AKAP6: variants seen among roughly 807,000 people sequenced by gnomAD.
AKAP6 encodes A-kinase anchoring protein 6, also known as A-kinase anchor protein 6.
In AKAP6, 58 loss-of-function variants were observed where a neutral mutation model predicts 188.5. The observed-to-expected ratio is 0.31, with a 90% CI of 0.25 to 0.38. The LOEUF is 0.38. AKAP6 is among the 10% of genes least tolerant of loss of function. AKAP6 has a pLI of 1.00. For synonymous variants in AKAP6, 989 were observed against 998.6 expected (o/e 0.99, Z 0.18); for missense variants, 2,710 against 2,740.0 (o/e 0.99, Z 0.24).
At chr14:32,501,586 A>C (rs1039648294) in intron 2 of AKAP6, among the ~76,000 whole-genome samples, 6 of 152,170 alleles carry the variant, frequency 3.9e-5, no homozygotes, top group Admixed American at 1.3e-4. Flanking sequence ...GGAGGAAAAA[A>C]AAATAGGTTT....
chr14:32,626,364 T>C (rs1887022014), intron 7 of AKAP6, among the ~76,000 whole-genome samples: 2 of 152,230 alleles, frequency 1.3e-5, no homozygotes, highest in South Asian at 4.1e-4. Context: ...TCAATTTTCC[T>C]TTTTTTAAAA....
intron 4 of AKAP6, among the ~76,000 whole-genome samples, chr14:32,574,605 A>T (rs1365832440): frequency 6.6e-6 from 1 of 152,210 alleles, no homozygotes; most frequent in Non-Finnish European, 1.5e-5. Flanking sequence ...TTACATTTCA[A>T]ATAACGTCTT....
chr14:32,789,348 GC>G (rs2033535168), intron 12 of AKAP6, among the ~76,000 whole-genome samples: 1 of 152,220 alleles, frequency 6.6e-6, no homozygotes, highest in Non-Finnish European at 1.5e-5. Context: ...CTCTCCCAAC[GC>G]AACACACCTG....
At chr14:32,432,353 A>G (rs1298667397) in intron 1 of AKAP6, among the ~76,000 whole-genome samples, 2 of 152,234 alleles carry the variant, frequency 1.3e-5, no homozygotes, top group African/African-American at 4.8e-5. Context: ...GATAAATTTA[A>G]TAGCTGGATA....
chr14:32,649,102 A>T (rs945424992), intron 7 of AKAP6, among the ~76,000 whole-genome samples: 1 of 152,090 alleles, frequency 6.6e-6, no homozygotes, highest in Admixed American at 6.6e-5. Flanking sequence ...TCTCATAGAG[A>T]TTCAATCTAA....
intron 4 of AKAP6, among the ~76,000 whole-genome samples, chr14:32,576,584 T>C (rs916730496): frequency 9.2e-5 from 14 of 152,168 alleles, no homozygotes; most frequent in Admixed American, 2.0e-4. Flanking sequence ...ACACAGACAT[T>C]TGGGCTGTGG....
chr14:32,466,470 G>A (rs866235169), intron 2 of AKAP6, among the ~76,000 whole-genome samples: 22 of 152,098 alleles, frequency 1.4e-4, no homozygotes, highest in African/African-American at 4.3e-4. Flanking sequence ...GCAAACTAAC[G>A]CAGGAACAGA....
chr14:32,485,383 G>C (rs958435093), intron 2 of AKAP6, among the ~76,000 whole-genome samples: 9 of 152,072 alleles, frequency 5.9e-5, no homozygotes, highest in South Asian at 2.1e-4. Context: ...TTGAGGAATC[G>C]CCACACTGTC....
At chr14:32,573,678 T>C (rs3784201) in intron 4 of AKAP6, among the ~76,000 whole-genome samples, 78,602 of 152,120 alleles carry the variant, frequency 0.52, 22,662 homozygotes, top group East Asian at 0.81. Flanking sequence ...AAAAAATAAA[T>C]GACCAATATT....
At chr14:32,347,668 T>C (rs977970577) in intron 1 of AKAP6, among the ~76,000 whole-genome samples, 1 of 152,228 alleles carries the variant, frequency 6.6e-6, no homozygotes, top group Non-Finnish European at 1.5e-5. Flanking sequence ...CAAATGTAAA[T>C]GACTCTCAAT....
chr14:32,333,688 T>G lies in AKAP6; in HGVS notation c.-35+4280T>G, dbSNP rs552752655. Among the ~76,000 whole-genome samples the G allele has an allele frequency of 1.8e-4, 27 of 152,272 alleles. 1 individual carries two copies. Among genetic ancestry groups the G allele is most frequent in the Middle Eastern group, 6.8e-3 (2 of 294 alleles). On this transcript the variant is annotated intron_variant, in intron 1 of 13. Coordinates refer to ENST00000280979, the MANE Select transcript of AKAP6 (RefSeq NM_004274.5). ...GTTTGGATTAGAATCTTTCTGGATG[T>G]GGACAAGACCAATATGGCAATTAGT... is the stretch of plus-strand genomic sequence containing the variant.
At chr14:32,775,000 GATAT>G (rs2033010715) in intron 12 of AKAP6, among the ~76,000 whole-genome samples, 1 of 152,192 alleles carries the variant, frequency 6.6e-6, no homozygotes, top group Non-Finnish European at 1.5e-5. Context: ...TGCATCTGTA[GATAT>G]ATTGAGTCTA....
intron 7 of AKAP6, among the ~76,000 whole-genome samples, chr14:32,667,965 G>A (rs1248491329): frequency 6.6e-6 from 1 of 152,030 alleles, no homozygotes; most frequent in Admixed American, 6.6e-5. Flanking sequence ...GTTCTACAGG[G>A]CAAGAGAAAC....
chr14:32,444,484 G>C (rs1399087675), intron 2 of AKAP6, among the ~76,000 whole-genome samples: 2 of 152,188 alleles, frequency 1.3e-5, no homozygotes, highest in African/African-American at 4.8e-5. Flanking sequence ...CTTTAACAAT[G>C]TGGCTGTTAT....
chr14:32,788,657 C>A (rs981839978), intron 12 of AKAP6, among the ~76,000 whole-genome samples: 9 of 146,774 alleles, frequency 6.1e-5, no homozygotes, highest in African/African-American at 2.0e-4. Flanking sequence ...TTGCAACCGG[C>A]GGATCAGGAG....
chr14:32,550,485 TTGTTTGA>T (rs1232596003), intron 4 of AKAP6, among the ~76,000 whole-genome samples: 1 of 152,214 alleles, frequency 6.6e-6, no homozygotes, highest in Non-Finnish European at 1.5e-5. Context: ...TAATGGTTTC[TTGTTTGA>T]TGACATATAA....
chr14:32,806,996 G>A (rs148316508), intron 12 of AKAP6, among the ~76,000 whole-genome samples: 6,696 of 152,064 alleles, frequency 0.044, 214 homozygotes, highest in Non-Finnish European at 0.068. Flanking sequence ...AGAGGTTGCC[G>A]TGAGCCATGA....
chr14:32,387,504 A>C (rs988792780), intron 1 of AKAP6, among the ~76,000 whole-genome samples: 2 of 148,200 alleles, frequency 1.3e-5, no homozygotes, highest in Non-Finnish European at 3.0e-5. Context: ...ATATTATGAT[A>C]TTTATAATAT....
chr14:32,631,258 A>C (rs373218663), intron 7 of AKAP6, among the ~76,000 whole-genome samples: 2 of 152,058 alleles, frequency 1.3e-5, no homozygotes, highest in East Asian at 3.9e-4. Context: ...GATTAAGATT[A>C]GCACCCTGTG....
Sources: gnomAD v4.1 joint callset for allele counts (sites outside exome capture counted in the v4.1 genomes callset) on GRCh38, gnomAD v4.1.1 for gene constraint, MANE v1.5 for transcripts, NCBI Gene and HGNC (gene_info 2026-07-23, HGNC 2026-07-21) for gene names.